The following SIPA1L1 variants were observed in gnomAD, a reference collection of about 807,000 sequenced individuals.
SIPA1L1 encodes the protein signal-induced proliferation-associated 1-like protein 1.
A neutral mutation model predicts 162.7 loss-of-function variants in SIPA1L1; 26 were observed. That is an observed-to-expected ratio of 0.16 (90% CI 0.12 to 0.22). The LOEUF is 0.22. Ranked by LOEUF, SIPA1L1 falls within the 10% of genes least tolerant of loss-of-function variation. The pLI is 1.00. For synonymous variants in SIPA1L1, 829 were observed against 837.4 expected, an observed-to-expected ratio of 0.99 and a Z score of 0.17; for missense variants, 1,874 against 2,241.0, an observed-to-expected ratio of 0.84 and a Z score of 3.31.
chr14:71,558,150 T>C (rs1200730213), intron 4 of SIPA1L1, among the ~76,000 whole-genome samples: 1 of 152,208 alleles, frequency 6.6e-6, no homozygotes, highest in African/African-American at 2.4e-5. Context: ...ATATAAACAT[T>C]TTTAGGGCAG....
At chr14:71,557,974 A>C (rs2056482777) in intron 4 of SIPA1L1, among the ~76,000 whole-genome samples, 1 of 152,324 alleles carries the variant, frequency 6.6e-6, no homozygotes. Context: ...TGATACTTAA[A>C]TCAGTTGTCT....
intron 2 of SIPA1L1, among the ~76,000 whole-genome samples, chr14:71,472,611 A>C (rs908665727): frequency 6.6e-6 from 1 of 152,040 alleles, no homozygotes; most frequent in African/African-American, 2.4e-5. Context: ...TTATTCTTAC[A>C]AAAGGCCTTG....
At position 71,723,632 on chromosome 14, in the gene SIPA1L1, C is replaced by G. The variant is rs572012555; in HGVS notation, c.4209-15C>G. The G allele has an allele frequency of 6.2e-7, 1 of 1,613,726 alleles. No individual in the cohort carries two copies. The highest frequency in any genetic ancestry group is 1.7e-5 in the Admixed American group (1 of 60,022). On this transcript the variant is annotated splice_polypyrimidine_tract_variant and intron_variant, in intron 17 of 23. Coordinates refer to ENST00000381232, the MANE Select transcript of SIPA1L1 (RefSeq NM_001386936.1). ...GATCCTGAGATACACATGTCTTTGC[C>G]CTGCTTCTCCTCAGTACCATGAGCT...
intron 5 of SIPA1L1, among the ~76,000 whole-genome samples, chr14:71,595,462 T>C (rs1234009165): frequency 1.1e-4 from 16 of 152,244 alleles, no homozygotes; most frequent in Admixed American, 1.0e-3. Flanking sequence ...AATTTGATGC[T>C]CAACTATACA....
intron 7 of SIPA1L1, among the ~76,000 whole-genome samples, chr14:71,631,057 T>C (rs1298321028): frequency 6.6e-6 from 1 of 152,108 alleles, no homozygotes; most frequent in Non-Finnish European, 1.5e-5. Context: ...TGTGTGATGT[T>C]CCCCACCTTG....
intron 2 of SIPA1L1, among the ~76,000 whole-genome samples, chr14:71,500,639 G>A (rs914194743): frequency 1.3e-5 from 2 of 152,154 alleles, no homozygotes; most frequent in Non-Finnish European, 2.9e-5. Context: ...GTGCCCCAAA[G>A]AATATGCCAA....
At chr14:71,509,208 T>C (rs1243133396) in intron 2 of SIPA1L1, among the ~76,000 whole-genome samples, 4 of 152,210 alleles carry the variant, frequency 2.6e-5, no homozygotes, top group Admixed American at 6.5e-5. Context: ...TCTGCTGATA[T>C]CATCTATATT....
At position 71,377,061 on chromosome 14, in the gene SIPA1L1, C is replaced by T. The variant is rs566119656; in HGVS notation, c.-465+55880C>T. ...TGAGCTGTTGGGTACACCTCCCAGA[C>T]GGGGTGGCAGCTGGGCAGAGGGGCT... On this transcript the variant is annotated intron_variant, in intron 2 of 23. Transcript: ENST00000381232. This position sits in a 1 kb window ranked among gnomAD's most constrained non-coding sequence, Gnocchi z 4.8. Among the ~76,000 whole-genome samples the T allele has an allele frequency of 6.6e-5, 10 of 152,316 alleles. No homozygotes were observed. In the South Asian group the frequency reaches 1.0e-3, roughly 16 times the overall value.
At chr14:71,447,028 C>T (rs964166976) in intron 2 of SIPA1L1, among the ~76,000 whole-genome samples, 3 of 147,350 alleles carry the variant, frequency 2.0e-5, no homozygotes, top group South Asian at 2.2e-4. Context: ...TCTCCTATCT[C>T]GGCCCCCTGA....
chr14:71,524,105 A>G (rs1389115305), intron 3 of SIPA1L1, among the ~76,000 whole-genome samples: 1 of 150,984 alleles, frequency 6.6e-6, no homozygotes, highest in Non-Finnish European at 1.5e-5. Flanking sequence ...ATATGTATGT[A>G]TACACATATC....
chr14:71,414,658 T>G (rs2042632396), intron 2 of SIPA1L1, among the ~76,000 whole-genome samples: 1 of 152,232 alleles, frequency 6.6e-6, no homozygotes, highest in Admixed American at 6.5e-5. Context: ...ATTTAAAATC[T>G]TCTCTATGTT....
chr14:71,571,386 AG>A (rs145587915), intron 4 of SIPA1L1, among the ~76,000 whole-genome samples: 1,636 of 152,270 alleles, frequency 0.011, 43 homozygotes, highest in African/African-American at 0.037. Flanking sequence ...CTCAACTGAA[AG>A]TTGTGAAGGT....
At chr14:71,428,748 G>C (rs752594116) in intron 2 of SIPA1L1, among the ~76,000 whole-genome samples, 1 of 152,200 alleles carries the variant, frequency 6.6e-6, no homozygotes, top group Non-Finnish European at 1.5e-5. Flanking sequence ...AGCCATTAGA[G>C]CACAGATCCC....
At chr14:71,329,701 A>C (rs2034288688) in intron 2 of SIPA1L1, among the ~76,000 whole-genome samples, 1 of 152,144 alleles carries the variant, frequency 6.6e-6, no homozygotes, top group Non-Finnish European at 1.5e-5. Flanking sequence ...TGATTGATGA[A>C]GTTGATTGTA....
intron 2 of SIPA1L1, among the ~76,000 whole-genome samples, chr14:71,392,824 G>A (rs1464554929): frequency 2.0e-5 from 3 of 152,126 alleles, no homozygotes; most frequent in African/African-American, 2.4e-5. Flanking sequence ...GCACCTGGCC[G>A]AAACTTTTTA....
In SIPA1L1 at chr14:71,473,891, A is replaced by T. The variant is rs146862040; in HGVS notation, c.-464-38852A>T. ...TAAGCTGTTCTAAGAAATAAGCTAAAATGTACTAATATTTAATATTTGATT... is the reference window on the plus strand; with the variant it reads ...TAAGCTGTTCTAAGAAATAAGCTAATATGTACTAATATTTAATATTTGATT... On this transcript the variant is annotated intron_variant, in intron 2 of 23. Transcript: ENST00000381232. Among the ~76,000 whole-genome samples, 219 of 152,342 alleles carry T rather than the reference A, an allele frequency of 1.4e-3. 6 individuals carry two copies. The South Asian group carries it at 0.025, about 18-fold the overall frequency.
chr14:71,527,962 A>G (rs915622759), intron 3 of SIPA1L1, among the ~76,000 whole-genome samples: 13 of 152,134 alleles, frequency 8.5e-5, no homozygotes, highest in African/African-American at 3.1e-4. Context: ...ATCTCAGCTC[A>G]CTGCAAGCTC....
Position 71,671,442 on chromosome 14 carries a change from T to C in SIPA1L1, c.2579T>C (p.Val860Ala). 2.5e-6 allele frequency: 4 copies of C among 1,614,186 alleles called. No homozygotes were observed. Among genetic ancestry groups the C allele is most frequent in the Non-Finnish European group, 3.4e-6 (4 of 1,180,030 alleles). Residue 860 changes from valine (V) to alanine (A), a missense_variant, in exon 11 of 24, where the codon GTA (valine) becomes GCA (alanine). Physicochemically the swap from Val to Ala is moderately conservative, Grantham distance 64. Coordinates refer to ENST00000381232, the MANE Select transcript of SIPA1L1 (RefSeq NM_001386936.1). ...GAELSSMGAI[V>A]WAVRAEDYNK... ...GAGCTCAGCAGCATGGGGGCCATTG[T>C]ATGGGCAGTCCGGGCTGAAGACTAC...
At chr14:71,441,994 A>G (rs2044902756) in intron 2 of SIPA1L1, among the ~76,000 whole-genome samples, 1 of 151,846 alleles carries the variant, frequency 6.6e-6, no homozygotes, top group East Asian at 1.9e-4. Context: ...CAGCAGGGTG[A>G]AACCTCGTCT....
Sources: gnomAD v4.1 joint callset for allele counts (sites outside exome capture counted in the v4.1 genomes callset) on GRCh38, gnomAD v4.1.1 for gene constraint, Gnocchi (gnomAD v3.1) non-coding constraint, MANE v1.5 for transcripts, NCBI Gene and HGNC (gene_info 2026-07-23, HGNC 2026-07-21) for gene names.